The following YEATS4 variants were observed in gnomAD, a reference collection of about 807,000 sequenced individuals.
The protein encoded by YEATS4 is YEATS domain containing 4.
A neutral mutation model predicts 30.1 loss-of-function variants in YEATS4; 17 were observed. The ratio of observed to expected loss-of-function variants is 0.56; its 90% CI spans 0.39 to 0.85. The LOEUF is 0.85. Ranked by LOEUF, YEATS4 falls within the 40% of genes least tolerant of loss-of-function variation. The pLI, the probability that YEATS4 is intolerant of heterozygous loss-of-function variation, is 0.00. For synonymous variants in YEATS4, 85 were observed against 87.5 expected (o/e 0.97, Z 0.16); for missense variants, 142 against 268.3 (o/e 0.53, Z 3.29).
At chr12:69,361,286 T>TC (rs1875197104) in intron 1 of YEATS4, 1 of 152,372 alleles carries the variant, frequency 6.6e-6, no homozygotes, top group African/African-American at 2.4e-5. Flanking sequence ...TTTGTTTTTT[T>TC]TTGAGACGGA....
At chr12:69,420,174 A>G in the YEATS4 span, among the ~76,000 whole-genome samples, 1 of 152,254 alleles carries the variant, frequency 6.6e-6, no homozygotes, top group Non-Finnish European at 1.5e-5. Flanking sequence ...GCTACTGAAT[A>G]GAGAGCAGGA....
chr12:69,418,267 T>C, the YEATS4 span, among the ~76,000 whole-genome samples: 1 of 152,048 alleles, frequency 6.6e-6, no homozygotes, highest in Non-Finnish European at 1.5e-5. Flanking sequence ...CATAAAGTAA[T>C]GTGGTGAAAC....
chr12:69,391,231 T>C (rs1592863189), downstream of YEATS4, among the ~76,000 whole-genome samples: 1 of 151,800 alleles, frequency 6.6e-6, no homozygotes, highest in South Asian at 2.1e-4. Flanking sequence ...GAGGCAGAGG[T>C]TGCAATGAGC....
chr12:69,384,290 TTC>T (rs1383503335), intron 6 of YEATS4, among the ~76,000 whole-genome samples: 1 of 140,900 alleles, frequency 7.1e-6, no homozygotes, highest in Non-Finnish European at 1.6e-5. Context: ...GCTCACATTT[TTC>T]TGTTTTTGAC....
intron 6 of YEATS4, among the ~76,000 whole-genome samples, chr12:69,387,693 T>C (rs768593197): frequency 3.7e-4 from 56 of 152,242 alleles, no homozygotes; most frequent in Non-Finnish European, 1.5e-4. Context: ...TATAGAATGA[T>C]ACCACTTGTG....
At chr12:69,397,126 G>A in the YEATS4 span, among the ~76,000 whole-genome samples, 1 of 152,122 alleles carries the variant, frequency 6.6e-6, no homozygotes, top group African/African-American at 2.4e-5. Context: ...ACATAAAAAG[G>A]ATAATAAGTC....
chr12:69,397,113 G>A, the YEATS4 span, among the ~76,000 whole-genome samples: 1 of 152,072 alleles, frequency 6.6e-6, no homozygotes, highest in African/African-American at 2.4e-5. Flanking sequence ...ACCAAATCCA[G>A]CAACATAAAA....
chr12:69,380,970 A>G (rs760614322), intron 6 of YEATS4, among the ~76,000 whole-genome samples: 35 of 152,294 alleles, frequency 2.3e-4, no homozygotes, highest in Non-Finnish European at 4.0e-4. Flanking sequence ...TCACAAGGCA[A>G]ATGGAGGCAG....
intron 4 of YEATS4, among the ~76,000 whole-genome samples, chr12:69,366,093 G>A (rs1875419031): frequency 6.6e-6 from 1 of 150,788 alleles, no homozygotes; most frequent in Non-Finnish European, 1.5e-5. Context: ...CATATAATAT[G>A]AACATGTATT....
At chr12:69,396,922 T>C in the YEATS4 span, among the ~76,000 whole-genome samples, 1 of 152,182 alleles carries the variant, frequency 6.6e-6, no homozygotes, top group Non-Finnish European at 1.5e-5. Flanking sequence ...ACTGCGAGTT[T>C]ATAGTTAGGG....
At chr12:69,372,493 C>CCCTCTGG (rs79550163) in intron 6 of YEATS4, among the ~76,000 whole-genome samples, 51,595 of 148,974 alleles carry the variant, frequency 0.35, 10,512 homozygotes, top group Non-Finnish European at 0.46. Context: ...ACCCTTCCTA[C>CCCTCTGG]CCTCTGGTAA....
chr12:69,394,236 C>T (rs950386886), downstream of YEATS4, among the ~76,000 whole-genome samples: 5 of 152,106 alleles, frequency 3.3e-5, no homozygotes, highest in African/African-American at 1.2e-4. Context: ...CATAATGGCA[C>T]AACTGCACAA....
the YEATS4 span, among the ~76,000 whole-genome samples, chr12:69,411,800 C>T: frequency 5.9e-5 from 9 of 152,272 alleles, no homozygotes; most frequent in South Asian, 8.3e-4. Context: ...CTCTCTGAAG[C>T]GAAAGCATTC....
the YEATS4 span, among the ~76,000 whole-genome samples, chr12:69,403,052 A>G: frequency 6.6e-6 from 1 of 152,124 alleles, no homozygotes; most frequent in Admixed American, 6.5e-5. Flanking sequence ...AAAAAATGTA[A>G]AAAATATTCT....
downstream of YEATS4, among the ~76,000 whole-genome samples, chr12:69,392,412 A>T (rs1214131342): frequency 6.6e-6 from 1 of 152,248 alleles, no homozygotes; most frequent in Non-Finnish European, 1.5e-5. Context: ...AAACATGTTC[A>T]CACAAAAACT....
downstream of YEATS4, among the ~76,000 whole-genome samples, chr12:69,391,139 C>T (rs1282665746): frequency 6.6e-6 from 1 of 151,968 alleles, no homozygotes; most frequent in African/African-American, 2.4e-5. Context: ...ACTAAAAATA[C>T]AAAAATTAGC....
the YEATS4 span, among the ~76,000 whole-genome samples, chr12:69,413,489 G>GTTTTTTTTTTTTTT: frequency 6.6e-6 from 1 of 151,212 alleles, no homozygotes; most frequent in African/African-American, 2.4e-5. Flanking sequence ...CTAAGAAGTA[G>GTTTTTTTTTTTTTT]CTTGCAGTGG....
At chr12:69,400,097 G>T in the YEATS4 span, among the ~76,000 whole-genome samples, 74 of 151,560 alleles carry the variant, frequency 4.9e-4, no homozygotes, top group African/African-American at 1.7e-3. Flanking sequence ...CAACTGACTT[G>T]TATACTTTAT....
intron 4 of YEATS4, among the ~76,000 whole-genome samples, chr12:69,368,446 C>T (rs926080373): frequency 2.6e-5 from 4 of 152,074 alleles, no homozygotes; most frequent in African/African-American, 4.8e-5. Flanking sequence ...TGCCTATATC[C>T]GCATGAATGC....
Sources: gnomAD v4.1 joint callset for allele counts (sites outside exome capture counted in the v4.1 genomes callset) on GRCh38, gnomAD v4.1.1 for gene constraint, MANE v1.5 for transcripts, NCBI Gene and HGNC (gene_info 2026-07-23, HGNC 2026-07-21) for gene names.